The following KLHL29 variants were observed in gnomAD, a reference collection of about 807,000 sequenced individuals.
KLHL29 encodes kelch like family member 29.
KLHL29 carries 21 observed loss-of-function variants against 80.4 expected under a neutral mutation model. That is an observed-to-expected ratio of 0.26 (90% CI 0.19 to 0.38). The LOEUF (loss-of-function observed/expected upper bound fraction) is 0.38. Ranked by LOEUF, KLHL29 falls within the 10% of genes least tolerant of loss-of-function variation. The probability of loss-of-function intolerance (pLI) is 1.00; values close to 1 mark genes in which losing one functional copy is unlikely to be tolerated. For missense variants in KLHL29, 867 were observed against 1,223.9 expected, an observed-to-expected ratio of 0.71 and a Z score of 4.35; for synonymous variants, 511 against 526.8, an observed-to-expected ratio of 0.97 and a Z score of 0.41.
At chr2:23,549,548 G>A (rs553887000) in intron 2 of KLHL29, among the ~76,000 whole-genome samples, 1 of 152,238 alleles carries the variant, frequency 6.6e-6, no homozygotes, top group Admixed American at 6.5e-5. Context: ...AGATAGGGTA[G>A]CAGCTCCCAA....
At chr2:23,575,490 C>T (rs1015640703) in intron 3 of KLHL29, among the ~76,000 whole-genome samples, 2 of 152,192 alleles carry the variant, frequency 1.3e-5, no homozygotes, top group African/African-American at 4.8e-5. Flanking sequence ...CCATCACTGA[C>T]ATTTATTGAG....
chr2:23,467,470 A>G (rs997937271), intron 1 of KLHL29, among the ~76,000 whole-genome samples: 1 of 152,340 alleles, frequency 6.6e-6, no homozygotes, highest in African/African-American at 2.4e-5. Flanking sequence ...ATAACTCATC[A>G]TATTTGGGTA....
chr2:23,588,032 A>T (rs1230176583), intron 3 of KLHL29, among the ~76,000 whole-genome samples: 1 of 152,102 alleles, frequency 6.6e-6, no homozygotes, highest in Non-Finnish European at 1.5e-5. Context: ...CTCAGATCCC[A>T]TCCACGGCCC....
intron 1 of KLHL29, among the ~76,000 whole-genome samples, chr2:23,471,590 A>AC (rs774381974): frequency 1.1e-4 from 17 of 152,108 alleles, no homozygotes; most frequent in Non-Finnish European, 1.5e-4. Flanking sequence ...AAGTCCTAAG[A>AC]CCCCTTTCAC....
At chr2:23,431,365 A>C (rs560193218) in intron 1 of KLHL29, among the ~76,000 whole-genome samples, 1 of 152,214 alleles carries the variant, frequency 6.6e-6, no homozygotes, top group East Asian at 1.9e-4. Flanking sequence ...ATATGCCTGG[A>C]GGCTTCTGAT....
Position 23,525,733 on chromosome 2 carries a change from C to CCG in KLHL29, c.-45-36418_-45-36417insGC, listed in dbSNP as rs1553335083. ...GAGTGAGCCCCAGCCCCTGCCCCCC[C>CCG]CCCCCACCCGAGGCGAGCCAGCAGA... On this transcript the variant is annotated intron_variant, in intron 2 of 13. Coordinates refer to ENST00000486442, the MANE Select transcript of KLHL29 (RefSeq NM_052920.2). Among the ~76,000 whole-genome samples, 16 of 129,558 alleles carry CCG rather than the reference C, an allele frequency of 1.2e-4. 1 individual carries two copies. The highest frequency in any genetic ancestry group is 1.1e-3 in the Admixed American group (14 of 12,952). The allele number at this position is 129,558 out of a possible 152,430, so 85.0% of individuals were successfully genotyped here.
In KLHL29 at chr2:23,422,394, C is replaced by G. The variant is rs186637322; in HGVS notation, c.-154+36614C>G. The stretch of plus-strand genomic sequence containing the variant: ...GTGTCTGTGTGTGTCTCTGTATTTT[C>G]ATATGCCTATGTGTCTGTGTTGTGT... On this transcript the variant is annotated intron_variant, in intron 1 of 13. Transcript: ENST00000486442. 1.9e-3 allele frequency among the ~76,000 whole-genome samples: 291 copies of G among 150,520 alleles called. 9 individuals are homozygous for G. The East Asian group carries it at 0.052, about 27-fold the overall frequency.
intron 2 of KLHL29, among the ~76,000 whole-genome samples, chr2:23,510,586 C>T (rs908254877): frequency 6.6e-6 from 1 of 152,218 alleles, no homozygotes; most frequent in African/African-American, 2.4e-5. Context: ...CGATTGTCAC[C>T]AGCCAAGTCT....
At chr2:23,509,063 G>T (rs138198101) in intron 2 of KLHL29, among the ~76,000 whole-genome samples, 16 of 152,338 alleles carry the variant, frequency 1.1e-4, no homozygotes, top group African/African-American at 3.4e-4. Flanking sequence ...GAAGTGCCAA[G>T]GATGGTATAG....
chr2:23,424,793 G>A lies in KLHL29; in HGVS notation c.-154+39013G>A, dbSNP rs549157079. On this transcript the variant is annotated intron_variant, in intron 1 of 13. Transcript: ENST00000486442. ...AAGAAGGACTTATAAATCTCTCTCC[G>A]AATCTCGCTTTATCTCATCATTTAG... is the stretch of plus-strand genomic sequence containing the variant. 3.9e-5 allele frequency among the ~76,000 whole-genome samples: 6 copies of A among 152,294 alleles called. 1 individual carries two copies. The South Asian group carries it at 8.3e-4, about 21-fold the overall frequency.
intron 3 of KLHL29, among the ~76,000 whole-genome samples, chr2:23,631,595 A>G (rs958364805): frequency 8.5e-5 from 13 of 152,214 alleles, no homozygotes; most frequent in African/African-American, 2.9e-4. Flanking sequence ...AGCCTCGTTA[A>G]TGAGGGCAGG....
At chr2:23,611,907 C>T (rs921661193) in intron 3 of KLHL29, among the ~76,000 whole-genome samples, 6 of 144,798 alleles carry the variant, frequency 4.1e-5, no homozygotes, top group African/African-American at 1.5e-4. Flanking sequence ...GGATTATGAA[C>T]TGAAAGATTG....
chr2:23,621,357 A>G (rs149720627), intron 3 of KLHL29, among the ~76,000 whole-genome samples: 28 of 152,362 alleles, frequency 1.8e-4, no homozygotes, highest in African/African-American at 5.8e-4. Flanking sequence ...CCTCTTGTCC[A>G]GGTTAGCTCA....
In KLHL29 at chr2:23,503,739, G is replaced by A. The variant is rs966639968; in HGVS notation, c.-46+28072G>A. 6.6e-5 allele frequency among the ~76,000 whole-genome samples: 10 copies of A among 152,224 alleles called. No homozygotes were observed. Among genetic ancestry groups the A allele is most frequent in the African/African-American group, 9.6e-5 (4 of 41,454 alleles). On this transcript the variant is annotated intron_variant, in intron 2 of 13. Transcript: ENST00000486442. This position sits in a 1 kb window ranked among gnomAD's most constrained non-coding sequence, Gnocchi z 4.0. ...ACAAGTGAGTTCTGTGACCCTGACC[G>A]GCAGCAGCTGCCAGCGAAGGAGGAA...
chr2:23,616,017 C>T (rs1668994765), intron 3 of KLHL29, among the ~76,000 whole-genome samples: 1 of 152,192 alleles, frequency 6.6e-6, no homozygotes, highest in African/African-American at 2.4e-5. Flanking sequence ...CCTAAGGGAC[C>T]CAAGGGTCAG....
rs181829757 is a variant in KLHL29, at chr2:23,692,690, G to A, written c.1283-579G>A. On this transcript the variant is annotated intron_variant, in intron 7 of 13. Transcript: ENST00000486442. ...AAGGGGAAAGAGTGCAAGGCCCTGGGAGGGACAGTATTGGGTAAACAGGAT... is the reference window on the plus strand; with the variant it reads ...AAGGGGAAAGAGTGCAAGGCCCTGGAAGGGACAGTATTGGGTAAACAGGAT... Among the ~76,000 whole-genome samples, 89 of 152,292 alleles carry A rather than the reference G, an allele frequency of 5.8e-4. 3 individuals carry two copies. In the South Asian group the frequency reaches 9.3e-3, roughly 16 times the overall value.
intron 5 of KLHL29, among the ~76,000 whole-genome samples, chr2:23,679,930 G>A (rs943482559): frequency 2.6e-5 from 4 of 152,166 alleles, no homozygotes; most frequent in African/African-American, 9.7e-5. Context: ...GAGTGGGGAC[G>A]TGTGTGGGGT....
chr2:23,402,851 T>C (rs190067732), intron 1 of KLHL29, among the ~76,000 whole-genome samples: 80 of 142,976 alleles, frequency 5.6e-4, no homozygotes, highest in Middle Eastern at 7.5e-3. Context: ...ATTTCTTATA[T>C]ATGTGTGTGT....
chr2:23,490,007 T>C (rs931810909), intron 2 of KLHL29, among the ~76,000 whole-genome samples: 1 of 152,244 alleles, frequency 6.6e-6, no homozygotes, highest in African/African-American at 2.4e-5. Context: ...CAATGGATTG[T>C]TTCCCCGCCT....
Sources: gnomAD v4.1 joint callset for allele counts (sites outside exome capture counted in the v4.1 genomes callset) on GRCh38, gnomAD v4.1.1 for gene constraint, Gnocchi (gnomAD v3.1) non-coding constraint, MANE v1.5 for transcripts, NCBI Gene and HGNC (gene_info 2026-07-23, HGNC 2026-07-21) for gene names.